The following OR2T11 variants were observed in gnomAD, a reference collection of about 807,000 sequenced individuals.
OR2T11 encodes olfactory receptor family 2 subfamily T member 11, also known as olfactory receptor 2T11.
A neutral mutation model predicts 13.5 loss-of-function variants in OR2T11; 14 were observed. The observed-to-expected ratio is 1.04, with a 90% confidence interval of 0.69 to 1.62. The LOEUF is 1.62. Ranked by LOEUF, OR2T11 falls within the 40% of genes most tolerant of loss-of-function variation. The pLI is 0.00. For synonymous variants in OR2T11, 163 were observed against 154.6 expected (o/e 1.05, Z -0.40); for missense variants, 410 against 389.7 (o/e 1.05, Z -0.44).
rs1268930857 is a variant in OR2T11 at position 248,630,740 on chromosome 1, C to A, written c.-144-3468G>T. Among the ~76,000 whole-genome samples, 10 of 143,746 alleles carry A rather than the reference C, an allele frequency of 7.0e-5. 2 individuals are homozygous for A. Among genetic ancestry groups the A allele is most frequent in the African/African-American group, 2.5e-4 (9 of 36,530 alleles). 94.3% of individuals were successfully genotyped at this position (143,746 alleles called of 152,430 possible). A position where few individuals can be genotyped will look rare whatever the true frequency, so the allele number is the denominator to read the frequency against. ...GTAATAGACTTAGTGTTAAATATAACCACATGTGGGCAGAATCATCTTCCA... is the reference window on the plus strand; with the variant it reads ...GTAATAGACTTAGTGTTAAATATAAACACATGTGGGCAGAATCATCTTCCA... On this transcript the variant is annotated intron_variant, in intron 1 of 1. Transcript: ENST00000641193.
At position 248,624,786 on chromosome 1, in the gene OR2T11, T is replaced by G. The variant is rs1660491439; in HGVS notation, c.*1392A>C. The G allele has an allele frequency of 6.9e-6, 1 of 144,414 alleles. No individual in the cohort carries two copies. Among genetic ancestry groups the G allele is most frequent in the African/African-American group, 2.7e-5 (1 of 36,824 alleles). The allele number at this position is 144,414 out of a possible 1,614,324, so 8.9% of individuals were successfully genotyped here. On this transcript the variant is annotated 3_prime_UTR_variant, in exon 2 of 2. Transcript: ENST00000641193. ...CTCTGCCAGTCAGGCTGGAGCACAG[T>G]GGTGCCATCACGGCTCACTGCAGCC...
rs912124363 is a variant in OR2T11 at position 248,624,249 on chromosome 1, A to G, written c.*1929T>C. 6 of 143,242 alleles carry G rather than the reference A, an allele frequency of 4.2e-5. 2 individuals carry two copies. Among genetic ancestry groups the G allele is most frequent in the Non-Finnish European group, 6.0e-5 (4 of 66,332 alleles). The allele number at this position is 143,242 out of a possible 1,614,324, so 8.9% of individuals were successfully genotyped here. A position where few individuals can be genotyped will look rare whatever the true frequency, so the allele number is the denominator to read the frequency against. The stretch of plus-strand genomic sequence containing the variant: ...ATACTCAATATCACATGACAGCACC[A>G]TTAACATCAAACACATTGGTATCAC... On this transcript the variant is annotated 3_prime_UTR_variant, in exon 2 of 2. Transcript: ENST00000641193.
At position 248,626,835 on chromosome 1, in the gene OR2T11, G is replaced by T. The variant is rs142351654; in HGVS notation, c.294C>A (p.Ile98=). ...IISFVACGIQ[I]FLYLTMIGSE... is the part of the protein sequence containing the mutation. ...AACCAATCATGGTCAGGTAGAGGAAGATCTGGATGCCACAGGCCACAAAGG... is the reference window on the plus strand; with the variant it reads ...AACCAATCATGGTCAGGTAGAGGAATATCTGGATGCCACAGGCCACAAAGG... Residue 98 remains isoleucine, a synonymous_variant, in exon 2 of 2, where the codon ATC becomes ATA. Coordinates refer to ENST00000641193, the MANE Select transcript of OR2T11 (RefSeq NM_001001964.2). The T allele has an allele frequency of 1.2e-5, 19 of 1,572,434 alleles. 4 individuals are homozygous for T. In the African/African-American group the frequency reaches 2.8e-4, roughly 24 times the overall value.
Position 248,634,846 on chromosome 1 carries a change from C to A in OR2T11, c.-145+192G>T, listed in dbSNP as rs1364943719. Among the ~76,000 whole-genome samples the A allele has an allele frequency of 3.5e-5, 5 of 143,992 alleles. 2 individuals are homozygous for A. Among genetic ancestry groups the A allele is most frequent in the Non-Finnish European group, 7.5e-5 (5 of 66,422 alleles). 94.5% of individuals were successfully genotyped at this position (143,992 alleles called of 152,430 possible). ...TTTTTCCTTTATGCTAAATAATTAT[C>A]TAATTATCTTCAGTTTCTCTGATCA... On this transcript the variant is annotated intron_variant, in intron 1 of 1. Transcript: ENST00000641193.
At chr1:248,631,761 T>C (rs1262049995) in intron 1 of OR2T11, among the ~76,000 whole-genome samples, 1 of 143,016 alleles carries the variant, frequency 7.0e-6, no homozygotes, top group African/African-American at 2.8e-5. Flanking sequence ...ATAAAAAAAA[T>C]CTCATCAAAT....
In OR2T11 at chr1:248,626,675, C is replaced by T. The variant is rs758303018; in HGVS notation, c.454G>A (p.Asp152Asn). The change falls in exon 2 of 2, where the codon GAT (aspartate) becomes AAT (asparagine). Residue 152 changes from aspartate (D) to asparagine (N), a missense_variant. Coordinates refer to ENST00000641193, the MANE Select transcript of OR2T11 (RefSeq NM_001001964.2). ...AAGAWFGGSLDGFLLTPITMN... is the reference protein window; with the variant it reads ...AAGAWFGGSLNGFLLTPITMN... ...GTGATGGGAGTGAGCAGAAAGCCATCGAGGGAGCCCCCAAACCAGGCACCA... is the reference window on the plus strand; with the variant it reads ...GTGATGGGAGTGAGCAGAAAGCCATTGAGGGAGCCCCCAAACCAGGCACCA... 8.3e-6 allele frequency: 13 copies of T among 1,572,832 alleles called. 1 individual carries two copies. The highest frequency in any genetic ancestry group is 2.3e-5 in the South Asian group (2 of 88,886).
In OR2T11 at chr1:248,626,725, C is replaced by G. The variant is rs150548690; in HGVS notation, c.404G>C (p.Arg135Pro). ...AGCAGCCAGCAAAAGACACTTCTTG[C>G]GGTTCATCAGGACTGGGTATCTCAG... ...NPLRYPVLMN[R>P]KKCLLLAAGA... is the part of the protein sequence containing the mutation. The change falls in exon 2 of 2, where the codon CGC becomes CCC. Residue 135 changes from arginine to proline, a missense_variant. Arg to Pro is a moderately radical substitution (Grantham distance 103). Coordinates refer to ENST00000641193, the MANE Select transcript of OR2T11 (RefSeq NM_001001964.2). 6 of 1,573,092 alleles carry G rather than the reference C, an allele frequency of 3.8e-6. 1 individual carries two copies. The highest frequency in any genetic ancestry group is 4.3e-6 in the Non-Finnish European group (5 of 1,156,894).
In OR2T11 at chr1:248,627,016, G is replaced by C. The variant is rs758389007; in HGVS notation, c.113C>G (p.Ala38Gly). 1 of 1,568,990 alleles carries C rather than the reference G, an allele frequency of 6.4e-7. No homozygotes were observed. Among genetic ancestry groups the C allele is most frequent in the Non-Finnish European group, 8.7e-7 (1 of 1,153,530 alleles). The change falls in exon 2 of 2, where the codon GCA becomes GGA. Residue 38 changes from alanine to glycine, a missense_variant. Ala to Gly is a moderately conservative substitution (Grantham distance 60, BLOSUM62 0). Transcript: ENST00000641193. ...AATCAAGAATATCATGACCAAATTT[G>C]CAGTCACGGCCCCCAAGAAAACAGC... The part of the protein sequence containing the change: ...ILAVFLGAVT[A>G]NLVMIFLIQV...
At chr1:248,627,512 G>A (rs953436480) in intron 1 of OR2T11, among the ~76,000 whole-genome samples, 4 of 143,248 alleles carry the variant, frequency 2.8e-5, no homozygotes, top group Non-Finnish European at 3.0e-5. Flanking sequence ...GTAGGGTTAA[G>A]TAAATACTAG....
rs1660499751 is a variant in OR2T11, at chr1:248,625,374, T to C, written c.*804A>G. ...CACCCGCATGGAAAACTCCAGGGACTTCCCACCCCACTCAGTCAGTCTCAA... is the reference window on the plus strand; with the variant it reads ...CACCCGCATGGAAAACTCCAGGGACCTCCCACCCCACTCAGTCAGTCTCAA... On this transcript the variant is annotated 3_prime_UTR_variant, in exon 2 of 2. Transcript: ENST00000641193. 1 of 144,158 alleles carries C rather than the reference T, an allele frequency of 6.9e-6. No homozygotes were observed. The highest frequency in any genetic ancestry group is 2.2e-4 in the South Asian group (1 of 4,592). 8.9% of individuals were successfully genotyped at this position (144,158 alleles called of 1,614,324 possible).
chr1:248,631,208 G>A (rs1276586930), intron 1 of OR2T11, among the ~76,000 whole-genome samples: 2 of 143,586 alleles, frequency 1.4e-5, no homozygotes, highest in Admixed American at 1.4e-4. Context: ...GCCATAGGGA[G>A]CTTCTATGCT....
chr1:248,626,524 A>C lies in OR2T11; in HGVS notation c.605T>G (p.Leu202Arg). 6.4e-7 allele frequency: 1 copy of C among 1,567,850 alleles called. No individual in the cohort carries two copies. The highest frequency in any genetic ancestry group is 8.7e-7 in the Non-Finnish European group (1 of 1,151,744). The stretch of plus-strand genomic sequence containing the variant: ...GATAGAGATGGGGATGAGCAACATG[A>C]GGACACAGCAGATGTACATCAGAGT... ...YETLMYICCV[L>R]MLLIPISIIS... The change falls in exon 2 of 2, where the codon CTC becomes CGC. Residue 202 changes from leucine (L) to arginine (R), a missense_variant. Physicochemically the swap from Leu to Arg is moderately radical, Grantham distance 102 (BLOSUM62 -2). Coordinates refer to ENST00000641193, the MANE Select transcript of OR2T11 (RefSeq NM_001001964.2).
chr1:248,625,386 T>TCA lies in OR2T11; in HGVS notation c.*790_*791dup, dbSNP rs1660500168. The TCA allele has an allele frequency of 1.4e-5, 2 of 144,068 alleles. 1 individual carries two copies. Among genetic ancestry groups the TCA allele is most frequent in the South Asian group, 4.4e-4 (2 of 4,586 alleles). The allele number at this position is 144,068 out of a possible 1,614,324, so 8.9% of individuals were successfully genotyped here. A position where few individuals can be genotyped will look rare whatever the true frequency, so the allele number is the denominator to read the frequency against. On this transcript the variant is annotated 3_prime_UTR_variant, in exon 2 of 2. Coordinates refer to ENST00000641193, the MANE Select transcript of OR2T11 (RefSeq NM_001001964.2). ...AAACTCCAGGGACTTCCCACCCCAC[T>TCA]CAGTCAGTCTCAAAGTGCCTTAAGT...
At chr1:248,629,465 T>TAG (rs1660574209) in intron 1 of OR2T11, among the ~76,000 whole-genome samples, 1 of 141,228 alleles carries the variant, frequency 7.1e-6, no homozygotes, top group Non-Finnish European at 1.5e-5. Context: ...TGTCCATAGC[T>TAG]AGTAGGTGCC....
chr1:248,626,287 A>T lies in OR2T11; in HGVS notation c.842T>A (p.Met281Lys). The T allele has an allele frequency of 6.4e-7, 1 of 1,569,046 alleles. No homozygotes were observed. Among genetic ancestry groups the T allele is most frequent in the Non-Finnish European group, 8.7e-7 (1 of 1,152,614 alleles). ...GAGGCTGTAGATGAGAGGATTAAGC[A>T]TGGGCGTGACAATGGTATAGAAGGC... ...VSAFYTIVTPMLNPLIYSLRN... is the reference protein window; with the variant it reads ...VSAFYTIVTPKLNPLIYSLRN... The change falls in exon 2 of 2, where the codon ATG (methionine) becomes AAG (lysine). Residue 281 changes from methionine (M) to lysine (K), a missense_variant. Physicochemically the swap from Met to Lys is moderately conservative, Grantham distance 95 (BLOSUM62 -1). Transcript: ENST00000641193.
In OR2T11 at chr1:248,631,738, T is replaced by C. The variant is rs112513583; in HGVS notation, c.-145+3300A>G. On this transcript the variant is annotated intron_variant, in intron 1 of 1. Transcript: ENST00000641193. ...ACACCTGCCTGCAGGTGTCTGGCTTTATACTGAGGTACATAAAAAAAATCT... is the reference window on the plus strand; with the variant it reads ...ACACCTGCCTGCAGGTGTCTGGCTTCATACTGAGGTACATAAAAAAAATCT... Among the ~76,000 whole-genome samples, 61 of 143,132 alleles carry C rather than the reference T, an allele frequency of 4.3e-4. 12 individuals carry two copies. Among genetic ancestry groups the C allele is most frequent in the African/African-American group, 1.7e-3 (60 of 36,234 alleles). 93.9% of individuals were successfully genotyped at this position (143,132 alleles called of 152,430 possible). A position where few individuals can be genotyped will look rare whatever the true frequency, so the allele number is the denominator to read the frequency against.
At chr1:248,629,249 C>T (rs1255579324) in intron 1 of OR2T11, among the ~76,000 whole-genome samples, 2 of 141,782 alleles carry the variant, frequency 1.4e-5, no homozygotes, top group Non-Finnish European at 3.0e-5. Context: ...AAAAACTAGC[C>T]AGGCGTGGTG....
In OR2T11 at chr1:248,629,505, C is replaced by G. The variant is rs373631522; in HGVS notation, c.-144-2233G>C. On this transcript the variant is annotated intron_variant, in intron 1 of 1. Transcript: ENST00000641193. ...TTAATCCATCATGACACATTTTACCCTGGTTGTTCCACGAACTTTCCCACG... is the reference window on the plus strand; with the variant it reads ...TTAATCCATCATGACACATTTTACCGTGGTTGTTCCACGAACTTTCCCACG... Among the ~76,000 whole-genome samples the G allele has an allele frequency of 1.7e-4, 24 of 141,494 alleles. 5 individuals are homozygous for G. The highest frequency in any genetic ancestry group is 5.9e-4 in the African/African-American group (21 of 35,512). 92.8% of individuals were successfully genotyped at this position (141,494 alleles called of 152,430 possible).
At position 248,623,699 on chromosome 1, in the gene OR2T11, C is replaced by G. The variant is rs1312382038; in HGVS notation, c.*2479G>C. The G allele has an allele frequency of 1.4e-5, 2 of 143,014 alleles. No homozygotes were observed. Among genetic ancestry groups the G allele is most frequent in the African/African-American group, 2.8e-5 (1 of 36,248 alleles). The allele number at this position is 143,014 out of a possible 1,614,324, so 8.9% of individuals were successfully genotyped here. On this transcript the variant is annotated 3_prime_UTR_variant, in exon 2 of 2. Transcript: ENST00000641193. The stretch of plus-strand genomic sequence containing the variant: ...CAAAGGAATAAGTTTGTAGTAGTAA[C>G]AGCAGTTGCTGCTGTTATTTTGTCC...
Sources: allele counts gnomAD v4.1 joint callset (sites outside exome capture counted in the v4.1 genomes callset), GRCh38; gene constraint gnomAD v4.1.1; transcripts MANE v1.5; gene names NCBI Gene and HGNC (gene_info 2026-07-23, HGNC 2026-07-21).